IFT88: variants seen among roughly 807,000 people sequenced by gnomAD.
The protein encoded by IFT88 is intraflagellar transport protein 88 homolog.
A neutral mutation model predicts 119.5 loss-of-function variants in IFT88; 74 were observed. The ratio of observed to expected loss-of-function variants is 0.62; its 90% CI spans 0.51 to 0.75. IFT88 has a LOEUF of 0.75. IFT88 is among the 30% of genes least tolerant of loss of function. IFT88 has a pLI of 0.00. For synonymous variants in IFT88, 279 were observed against 316.7 expected, an observed-to-expected ratio of 0.88 and a Z score of 1.26; for missense variants, 961 against 977.7, an observed-to-expected ratio of 0.98 and a Z score of 0.23.
intron 16 of IFT88, among the ~76,000 whole-genome samples, chr13:20,637,939 T>C (rs574512578): frequency 1.3e-5 from 2 of 152,264 alleles, no homozygotes; most frequent in East Asian, 3.9e-4. Flanking sequence ...TTGCTAGAAG[T>C]GCAGAGACCT....
At chr13:20,603,367 CAA>C (rs1330876442) in intron 12 of IFT88, among the ~76,000 whole-genome samples, 8 of 128,558 alleles carry the variant, frequency 6.2e-5, no homozygotes, top group East Asian at 4.4e-4. Context: ...GCCTGGGTGA[CAA>C]GAGCAAAACT....
intron 24 of IFT88, among the ~76,000 whole-genome samples, chr13:20,688,459 A>C (rs773267003): frequency 1.3e-5 from 2 of 152,242 alleles, no homozygotes; most frequent in Admixed American, 1.3e-4. Context: ...TCACTCACAT[A>C]GTTTTGGAGC....
chr13:20,655,161 C>T (rs1314846480), intron 21 of IFT88, among the ~76,000 whole-genome samples: 2 of 152,182 alleles, frequency 1.3e-5, no homozygotes, highest in Non-Finnish European at 2.9e-5. Context: ...AGGCCGGACA[C>T]AGTGGCTCAC....
intron 16 of IFT88, among the ~76,000 whole-genome samples, chr13:20,635,881 G>A (rs961676444): frequency 2.0e-5 from 3 of 151,624 alleles, no homozygotes; most frequent in African/African-American, 7.3e-5. Context: ...TCCCATGTTT[G>A]TTTTTAACCT....
chr13:20,666,245 G>C (rs978009515), intron 23 of IFT88, among the ~76,000 whole-genome samples: 1 of 152,152 alleles, frequency 6.6e-6, no homozygotes, highest in African/African-American at 2.4e-5. Flanking sequence ...TTCTAGCTTT[G>C]AACTTCTCAA....
At chr13:20,609,834 C>T (rs1231713240) in intron 13 of IFT88, among the ~76,000 whole-genome samples, 1 of 152,100 alleles carries the variant, frequency 6.6e-6, no homozygotes, top group Non-Finnish European at 1.5e-5. Flanking sequence ...GAATATTACA[C>T]GACCCCAGTA....
intron 16 of IFT88, among the ~76,000 whole-genome samples, chr13:20,634,024 A>C (rs190960040): frequency 6.6e-6 from 1 of 152,070 alleles, no homozygotes; most frequent in Non-Finnish European, 1.5e-5. Context: ...GGATGTTCCA[A>C]ATTCCTACCT....
chr13:20,685,712 T>C (rs2057838672), intron 24 of IFT88, among the ~76,000 whole-genome samples: 1 of 152,060 alleles, frequency 6.6e-6, no homozygotes, highest in South Asian at 2.1e-4. Context: ...AGACCCTGAC[T>C]CTACTAAAAA....
At chr13:20,585,806 A>T (rs1002151397) in intron 3 of IFT88, among the ~76,000 whole-genome samples, 3 of 152,174 alleles carry the variant, frequency 2.0e-5, no homozygotes, top group Non-Finnish European at 4.4e-5. Context: ...TCTAAAACCC[A>T]TATTTTATTT....
At chr13:20,629,955 T>C (rs1441736468) in intron 15 of IFT88, among the ~76,000 whole-genome samples, 2 of 152,236 alleles carry the variant, frequency 1.3e-5, no homozygotes, top group East Asian at 1.9e-4. Flanking sequence ...ACCTTTCATG[T>C]AAAGTGTCTG....
intron 7 of IFT88, among the ~76,000 whole-genome samples, chr13:20,592,750 G>A (rs1196945785): frequency 2.7e-5 from 4 of 148,072 alleles, no homozygotes; most frequent in Non-Finnish European, 5.9e-5. Context: ...CATTACAGGC[G>A]TGAGCCACCA....
Position 20,691,346 on chromosome 13 carries a change from T to C in IFT88, c.*171T>C. On this transcript the variant is annotated 3_prime_UTR_variant, in exon 26 of 26. Transcript: ENST00000351808. ...TAAGTTGTTTTTTTCTTTTAAGGAA[T>C]AAAAACAGGTAAAACTAATACTTTA... 1.9e-6 allele frequency: 1 copy of C among 534,142 alleles called. No homozygotes were observed. Among genetic ancestry groups the C allele is most frequent in the Non-Finnish European group, 3.2e-6 (1 of 317,202 alleles). 33.1% of individuals were successfully genotyped at this position (534,142 alleles called of 1,614,324 possible).
chr13:20,580,775 G>GAGTGCATT (rs1751765226), intron 2 of IFT88, among the ~76,000 whole-genome samples: 1 of 148,522 alleles, frequency 6.7e-6, no homozygotes, highest in Non-Finnish European at 1.5e-5. Flanking sequence ...GCCCAGGGTG[G>GAGTGCATT]AGTGCATTGG....
intron 11 of IFT88, among the ~76,000 whole-genome samples, chr13:20,599,906 T>C (rs2042323298): frequency 6.6e-6 from 1 of 152,064 alleles, no homozygotes; most frequent in South Asian, 2.1e-4. Context: ...GAAATTAAGC[T>C]CCCCTTACGT....
chr13:20,627,215 C>A (rs2047481827), intron 15 of IFT88, among the ~76,000 whole-genome samples: 1 of 152,178 alleles, frequency 6.6e-6, no homozygotes, highest in Non-Finnish European at 1.5e-5. Context: ...TTAATCATCA[C>A]ATCCTTGGTC....
chr13:20,678,626 C>A (rs997378472), intron 24 of IFT88, among the ~76,000 whole-genome samples: 23 of 152,310 alleles, frequency 1.5e-4, no homozygotes, highest in Non-Finnish European at 3.2e-4. Context: ...AGTAAACCAA[C>A]AACTTCTAGC....
intron 20 of IFT88, among the ~76,000 whole-genome samples, chr13:20,646,803 T>C (rs1370242815): frequency 6.6e-6 from 1 of 151,662 alleles, no homozygotes; most frequent in Non-Finnish European, 1.5e-5. Flanking sequence ...TTATCCATAC[T>C]AGATTGCTTA....
At chr13:20,656,122 T>TAAAAAAAAAAAAAAAAAA (rs60352862) in intron 21 of IFT88, among the ~76,000 whole-genome samples, 17 of 104,766 alleles carry the variant, frequency 1.6e-4, no homozygotes, top group African/African-American at 5.3e-4. Context: ...CTCGTCTCTT[T>TAAAAAAAAAAAAAAAAAA]AAAAAAAAAA....
intron 8 of IFT88, among the ~76,000 whole-genome samples, chr13:20,596,450 G>T (rs1186229750): frequency 2.0e-5 from 3 of 152,078 alleles, no homozygotes; most frequent in Non-Finnish European, 2.9e-5. Flanking sequence ...TTTGACATTG[G>T]CCTTTTCAGT....
Sources: allele counts gnomAD v4.1 joint callset (sites outside exome capture counted in the v4.1 genomes callset), GRCh38; gene constraint gnomAD v4.1.1; transcripts MANE v1.5; gene names NCBI Gene and HGNC (gene_info 2026-07-23, HGNC 2026-07-21).